SCML4: variants seen among roughly 807,000 people sequenced by gnomAD.
The protein encoded by SCML4 is sex comb on midleg-like protein 4.
Under a neutral mutation model 41.1 loss-of-function variants are expected in SCML4, and 34 were observed. That is an observed-to-expected ratio of 0.83 (90% CI 0.63 to 1.10). The LOEUF is 1.10. SCML4 is among the 50% of genes least tolerant of loss of function. The pLI is 0.00. For missense variants in SCML4, 522 were observed against 534.1 expected, an observed-to-expected ratio of 0.98 and a Z score of 0.22; for synonymous variants, 214 against 220.9, an observed-to-expected ratio of 0.97 and a Z score of 0.28.
At position 107,782,040 on chromosome 6, in the gene SCML4, A is replaced by G. The variant is rs1369700163; in HGVS notation, c.-59-9654T>C. On this transcript the variant is annotated intron_variant, in intron 1 of 7. Coordinates refer to ENST00000369020, the MANE Select transcript of SCML4 (RefSeq NM_198081.5). ...CTTCCCTGCCCCCAAGAGGGGTACA[A>G]CAGCCAGGGTGACAGAAAGCCAAGA... 4.6e-5 allele frequency among the ~76,000 whole-genome samples: 7 copies of G among 152,250 alleles called. No homozygotes were observed. In the East Asian group the frequency reaches 1.3e-3, roughly 29 times the overall value.
intron 1 of SCML4, among the ~76,000 whole-genome samples, chr6:107,804,716 CTG>C (rs1783592529): frequency 6.6e-6 from 1 of 152,158 alleles, no homozygotes; most frequent in Non-Finnish European, 1.5e-5. Context: ...GGGCTCACAC[CTG>C]TAAACCCAGC....
chr6:107,766,929 C>T (rs990955556), intron 2 of SCML4, among the ~76,000 whole-genome samples: 2 of 151,158 alleles, frequency 1.3e-5, no homozygotes, highest in Non-Finnish European at 2.9e-5. Flanking sequence ...AGCCACTCTT[C>T]CCATCTGTAC....
the SCML4 span, among the ~76,000 whole-genome samples, chr6:107,835,554 G>A: frequency 6.6e-6 from 1 of 151,822 alleles, no homozygotes; most frequent in Admixed American, 6.6e-5. Context: ...AGCCTGGGAA[G>A]CATAGCGAGA....
intron 5 of SCML4, among the ~76,000 whole-genome samples, chr6:107,743,032 A>G (rs79829217): frequency 4.7e-4 from 71 of 152,322 alleles, no homozygotes; most frequent in African/African-American, 1.7e-3. Context: ...CTAAAAGTCC[A>G]CTGTAGGGGG....
the SCML4 span, among the ~76,000 whole-genome samples, chr6:107,837,438 C>A: frequency 6.6e-6 from 1 of 152,138 alleles, no homozygotes; most frequent in Non-Finnish European, 1.5e-5. Context: ...AGTTAGTAGG[C>A]CGAATGCACT....
chr6:107,816,918 C>T lies in SCML4; in HGVS notation c.-60+7208G>A, dbSNP rs556014009. On this transcript the variant is annotated intron_variant, in intron 1 of 7. Transcript: ENST00000369020. The stretch of plus-strand genomic sequence containing the variant: ...CTCCTTACTCTGTTTTAAATCTGCA[C>T]TCTCAGGGATGAGAAAGAAAACCCC... Among the ~76,000 whole-genome samples, 7 of 152,306 alleles carry T rather than the reference C, an allele frequency of 4.6e-5. No homozygotes were observed. In the South Asian group the frequency reaches 1.2e-3, roughly 27 times the overall value.
At chr6:107,773,589 C>CAAAAAAAAAAAAAAAAAAAAAAAAA (rs5878938) in intron 1 of SCML4, among the ~76,000 whole-genome samples, 2 of 76,978 alleles carry the variant, frequency 2.6e-5, no homozygotes, top group Non-Finnish European at 5.0e-5. Flanking sequence ...AAGACTGTCT[C>CAAAAAAAAAAAAAAAAAAAAAAAAA]AAAAAAAAAA....
At chr6:107,811,821 G>A (rs781769303) in intron 1 of SCML4, among the ~76,000 whole-genome samples, 1 of 152,156 alleles carries the variant, frequency 6.6e-6, no homozygotes, top group African/African-American at 2.4e-5. Context: ...GAACCCAGAG[G>A]GGGACATGAA....
intron 2 of SCML4, among the ~76,000 whole-genome samples, chr6:107,769,979 C>G (rs1035940545): frequency 3.3e-5 from 5 of 152,090 alleles, no homozygotes; most frequent in African/African-American, 1.2e-4. Flanking sequence ...TTTGCTTGGT[C>G]AGGGTTTTTT....
intron 1 of SCML4, among the ~76,000 whole-genome samples, chr6:107,782,691 G>A (rs1217150130): frequency 6.6e-6 from 1 of 152,046 alleles, no homozygotes. Flanking sequence ...TTTGCCTGAT[G>A]GCAGGTGCTG....
chr6:107,772,798 C>G (rs543186004), intron 1 of SCML4, among the ~76,000 whole-genome samples: 4 of 152,180 alleles, frequency 2.6e-5, no homozygotes, highest in Non-Finnish European at 5.9e-5. Flanking sequence ...ACTCCTATCT[C>G]TTTGCTTGAG....
At chr6:107,705,464 G>A (rs1477064365) in intron 7 of SCML4, 139 bp from the exon 8 acceptor site, 1 of 719,080 alleles carries the variant, frequency 1.4e-6, no homozygotes, top group South Asian at 1.9e-5. Flanking sequence ...TTGGTCCTGG[G>A]GCAAGGTCTT....
At chr6:107,804,383 G>C (rs4945793) in intron 1 of SCML4, among the ~76,000 whole-genome samples, 137,607 of 152,188 alleles carry the variant, frequency 0.9, 63,675 homozygotes, top group Non-Finnish European at 1. Context: ...GGGAAGGCAA[G>C]ATGGGATCCA....
At chr6:107,845,185 A>T in the SCML4 span, among the ~76,000 whole-genome samples, 55 of 152,218 alleles carry the variant, frequency 3.6e-4, no homozygotes, top group African/African-American at 1.3e-3. Flanking sequence ...GCAATGAGCC[A>T]AGAATGCACC....
At chr6:107,808,330 G>A (rs1462615155) in intron 1 of SCML4, among the ~76,000 whole-genome samples, 1 of 152,224 alleles carries the variant, frequency 6.6e-6, no homozygotes, top group Non-Finnish European at 1.5e-5. Context: ...AGAAGGTGAA[G>A]GTTCTAAACA....
intron 6 of SCML4, among the ~76,000 whole-genome samples, chr6:107,718,285 G>A (rs1775031683): frequency 1.3e-5 from 2 of 152,140 alleles, no homozygotes; most frequent in South Asian, 4.1e-4. Flanking sequence ...ACATCTGATG[G>A]TCTTATAAAG....
intron 5 of SCML4, among the ~76,000 whole-genome samples, chr6:107,737,878 C>A (rs2114472646): frequency 6.6e-6 from 1 of 151,920 alleles, no homozygotes; most frequent in South Asian, 2.1e-4. Flanking sequence ...TACATTTGTA[C>A]CCCAAAAACT....
At chr6:107,778,317 C>G (rs938497886) in intron 1 of SCML4, among the ~76,000 whole-genome samples, 2 of 140,504 alleles carry the variant, frequency 1.4e-5, no homozygotes, top group African/African-American at 5.5e-5. Flanking sequence ...CTGAATTTTT[C>G]TGCTTTCAAT....
intron 1 of SCML4, among the ~76,000 whole-genome samples, chr6:107,818,247 C>T (rs79759341): frequency 0.019 from 2,887 of 152,228 alleles, 94 homozygotes; most frequent in African/African-American, 0.067. Context: ...AGGGGCAGTG[C>T]GCAGATGGCT....
Sources: gnomAD v4.1 joint callset for allele counts (sites outside exome capture counted in the v4.1 genomes callset) on GRCh38, gnomAD v4.1.1 for gene constraint, MANE v1.5 for transcripts, NCBI Gene and HGNC (gene_info 2026-07-23, HGNC 2026-07-21) for gene names.